AMPH: variants seen among roughly 807,000 people sequenced by gnomAD.
AMPH encodes the protein amphiphysin (Stiff-Mann syndrome with breast cancer 128kD autoantigen).
AMPH carries 49 observed loss-of-function variants against 99.1 expected under a neutral mutation model. The ratio of observed to expected loss-of-function variants is 0.49; its 90% CI spans 0.39 to 0.63. AMPH has a LOEUF of 0.63. Ranked by LOEUF, AMPH falls within the 20% of genes least tolerant of loss-of-function variation. AMPH has a pLI of 0.00. For missense variants in AMPH, 759 were observed against 863.4 expected, an observed-to-expected ratio of 0.88 and a Z score of 1.52; for synonymous variants, 314 against 317.3, an observed-to-expected ratio of 0.99 and a Z score of 0.11.
intron 5 of AMPH, among the ~76,000 whole-genome samples, chr7:38,487,679 T>C (rs936765744): frequency 6.6e-6 from 1 of 152,122 alleles, no homozygotes; most frequent in Non-Finnish European, 1.5e-5. Flanking sequence ...GAATGGGGTC[T>C]AATTAAACTA....
At chr7:38,437,625 CAAAAAAAAA>C (rs70977404) in intron 11 of AMPH, among the ~76,000 whole-genome samples, 1 of 94,864 alleles carries the variant, frequency 1.1e-5, no homozygotes, top group Non-Finnish European at 2.0e-5. Flanking sequence ...ACTAAAAATA[CAAAAAAAAA>C]AAAAAAAAAG....
chr7:38,441,826 C>CT (rs1554336916), intron 11 of AMPH, among the ~76,000 whole-genome samples: 2 of 96,938 alleles, frequency 2.1e-5, no homozygotes, highest in East Asian at 4.3e-4. Flanking sequence ...TATCATATAT[C>CT]ATATATATCA....
At chr7:38,463,513 T>C (rs1274524583) in intron 9 of AMPH, among the ~76,000 whole-genome samples, 3 of 152,228 alleles carry the variant, frequency 2.0e-5, no homozygotes, top group South Asian at 4.1e-4. Context: ...ATAAGCTGAA[T>C]TGATTTTACT....
chr7:38,572,266 C>T (rs1229192708), intron 1 of AMPH, among the ~76,000 whole-genome samples: 2 of 152,056 alleles, frequency 1.3e-5, no homozygotes, highest in African/African-American at 4.8e-5. Context: ...TGTTTAGATA[C>T]ACAAATCCTT....
chr7:38,577,973 G>A (rs4146042), intron 1 of AMPH, among the ~76,000 whole-genome samples: 128,054 of 152,176 alleles, frequency 0.84, 54,286 homozygotes, highest in African/African-American at 0.91. Context: ...AAACAAACAC[G>A]ATAGCTGCGT....
intron 1 of AMPH, among the ~76,000 whole-genome samples, chr7:38,594,080 A>C (rs1209804247): frequency 6.6e-6 from 1 of 152,176 alleles, no homozygotes; most frequent in African/African-American, 2.4e-5. Flanking sequence ...GCAGGGGGTC[A>C]CGGGAAGAAG....
chr7:38,592,246 T>C (rs944231961), intron 1 of AMPH, among the ~76,000 whole-genome samples: 36 of 152,214 alleles, frequency 2.4e-4, no homozygotes, highest in African/African-American at 7.7e-4. Flanking sequence ...GTGGGCGTCA[T>C]GGCCATCATG....
intron 1 of AMPH, among the ~76,000 whole-genome samples, chr7:38,611,177 TG>T (rs1793668334): frequency 6.6e-6 from 1 of 152,142 alleles, no homozygotes; most frequent in African/African-American, 2.4e-5. Flanking sequence ...GGATGAAACT[TG>T]AAATTAAGCT....
intron 2 of AMPH, among the ~76,000 whole-genome samples, chr7:38,510,078 G>C (rs944887397): frequency 2.0e-5 from 3 of 152,112 alleles, no homozygotes; most frequent in African/African-American, 7.2e-5. Flanking sequence ...TAGTTTGCTT[G>C]GGCTGCCACA....
Position 38,415,326 on chromosome 7 carries a change from CTAA to C in AMPH, c.1398+2496_1398+2498del, listed in dbSNP as rs530667861. ...GAAATGCATTCTGTCAAAACTTGAA[CTAA>C]TAATTATGGTGACATTTCAGTAGTG... is the stretch of plus-strand genomic sequence containing the variant. On this transcript the variant is annotated intron_variant, in intron 17 of 20. Coordinates refer to ENST00000356264, the MANE Select transcript of AMPH (RefSeq NM_001635.4). Among the ~76,000 whole-genome samples, 35 of 152,274 alleles carry C rather than the reference CTAA, an allele frequency of 2.3e-4. No homozygotes were observed. The South Asian group carries it at 4.8e-3, about 21-fold the overall frequency.
intron 16 of AMPH, among the ~76,000 whole-genome samples, chr7:38,420,056 T>C (rs1053115117): frequency 4.6e-5 from 7 of 152,118 alleles, no homozygotes; most frequent in Admixed American, 4.6e-4. Flanking sequence ...AAAGAGAACA[T>C]AGGATTGCTT....
chr7:38,525,625 G>A (rs1790160361), intron 2 of AMPH, among the ~76,000 whole-genome samples: 1 of 151,828 alleles, frequency 6.6e-6, no homozygotes, highest in African/African-American at 2.4e-5. Flanking sequence ...ACTCACTCTT[G>A]GCAACCACCA....
chr7:38,509,063 G>A (rs1227901245), intron 2 of AMPH, among the ~76,000 whole-genome samples: 1 of 152,064 alleles, frequency 6.6e-6, no homozygotes, highest in African/African-American at 2.4e-5. Context: ...AAGCGCCCAG[G>A]GTCTCTGAAA....
intron 11 of AMPH, among the ~76,000 whole-genome samples, chr7:38,456,805 A>C (rs1283338367): frequency 1.3e-5 from 2 of 152,160 alleles, no homozygotes; most frequent in African/African-American, 4.8e-5. Flanking sequence ...GTCTGGACTC[A>C]CTAACACTGG....
chr7:38,594,790 G>T (rs1164024731), intron 1 of AMPH, among the ~76,000 whole-genome samples: 1 of 152,126 alleles, frequency 6.6e-6, no homozygotes, highest in Non-Finnish European at 1.5e-5. Context: ...CCTAAAGGAA[G>T]CAAGATAAAG....
chr7:38,568,464 C>T (rs973910712), intron 1 of AMPH, among the ~76,000 whole-genome samples: 3 of 151,702 alleles, frequency 2.0e-5, no homozygotes, highest in Non-Finnish European at 4.4e-5. Context: ...GACTCCGTCT[C>T]CAAAAAAAAA....
chr7:38,387,934 T>C (rs1784390272), intron 20 of AMPH, among the ~76,000 whole-genome samples: 1 of 151,460 alleles, frequency 6.6e-6, no homozygotes, highest in Non-Finnish European at 1.5e-5. Flanking sequence ...TTATAAACAA[T>C]AGAGACCAGA....
intron 1 of AMPH, among the ~76,000 whole-genome samples, chr7:38,554,850 C>A (rs770517352): frequency 6.6e-6 from 1 of 152,170 alleles, no homozygotes; most frequent in Non-Finnish European, 1.5e-5. Flanking sequence ...TACGGCTAAG[C>A]CAGAGTGAGA....
intron 10 of AMPH, among the ~76,000 whole-genome samples, chr7:38,461,936 T>C (rs1407036024): frequency 6.6e-6 from 1 of 152,270 alleles, no homozygotes; most frequent in Non-Finnish European, 1.5e-5. Flanking sequence ...ATATAGATGG[T>C]CCTCAACTTA....
Sources: allele counts gnomAD v4.1 joint callset (sites outside exome capture counted in the v4.1 genomes callset), GRCh38; gene constraint gnomAD v4.1.1; transcripts MANE v1.5; gene names NCBI Gene and HGNC (gene_info 2026-07-23, HGNC 2026-07-21).